The following CTNNA2 variants were observed in gnomAD, a reference collection of about 807,000 sequenced individuals.
CTNNA2 encodes catenin alpha 2.
Under a neutral mutation model 101.0 loss-of-function variants are expected in CTNNA2, and 42 were observed. That is an observed-to-expected ratio of 0.42 (90% CI 0.32 to 0.54). CTNNA2 has a LOEUF of 0.54. Among genes scored for constraint, CTNNA2 ranks in the 20% least tolerant of loss-of-function variants. The pLI, the probability that CTNNA2 is intolerant of heterozygous loss-of-function variation, is 0.14. For synonymous variants in CTNNA2, 450 were observed against 456.4 expected (o/e 0.99, Z 0.18); for missense variants, 871 against 1,223.1 (o/e 0.71, Z 4.29).
At chr2:80,561,904 G>C (rs1041684275) in intron 12 of CTNNA2, among the ~76,000 whole-genome samples, 2 of 145,596 alleles carry the variant, frequency 1.4e-5, no homozygotes, top group African/African-American at 5.2e-5. Context: ...TCAAACCCCT[G>C]ACCTCAGGTA....
At chr2:79,765,059 A>G (rs1365385091) in intron 3 of CTNNA2, among the ~76,000 whole-genome samples, 1 of 152,182 alleles carries the variant, frequency 6.6e-6, no homozygotes, top group Non-Finnish European at 1.5e-5. Flanking sequence ...ATATCTAGGC[A>G]ATGGGAGAAG....
At chr2:80,255,841 C>A (rs1672097841) in intron 7 of CTNNA2, among the ~76,000 whole-genome samples, 1 of 152,172 alleles carries the variant, frequency 6.6e-6, no homozygotes, top group South Asian at 2.1e-4. Context: ...ACAGGAATCA[C>A]GTGCTGTTGC....
intron 7 of CTNNA2, among the ~76,000 whole-genome samples, chr2:80,044,499 A>G (rs997096944): frequency 6.6e-6 from 1 of 152,152 alleles, no homozygotes; most frequent in Non-Finnish European, 1.5e-5. Flanking sequence ...AGATGTTAAA[A>G]ACCTCTATAT....
At chr2:80,545,839 C>A in intron 10 of CTNNA2, 68 bp from the exon 11 acceptor site, 1 of 1,546,660 alleles carries the variant, frequency 6.5e-7, no homozygotes, top group Non-Finnish European at 8.8e-7. Context: ...TTAACATGGT[C>A]TTTGACCGGC....
chr2:79,876,126 A>T (rs78142950), intron 6 of CTNNA2, among the ~76,000 whole-genome samples: 7,039 of 152,188 alleles, frequency 0.046, 463 homozygotes, highest in East Asian at 0.31. Flanking sequence ...AGAACTATTG[A>T]TCCTATCAGT....
chr2:79,874,698 C>T (rs528894308), intron 6 of CTNNA2, among the ~76,000 whole-genome samples: 12 of 152,252 alleles, frequency 7.9e-5, no homozygotes, highest in African/African-American at 2.6e-4. Flanking sequence ...ATCCCAGCTA[C>T]TCGGGAGGCT....
chr2:80,600,728 G>C (rs961640624), intron 15 of CTNNA2, among the ~76,000 whole-genome samples: 1 of 151,850 alleles, frequency 6.6e-6, no homozygotes, highest in South Asian at 2.1e-4. Flanking sequence ...GCCACTTTCC[G>C]CCTCCTTCTG....
chr2:80,646,765 T>C (rs1674136665), intron 18 of CTNNA2, among the ~76,000 whole-genome samples: 1 of 152,076 alleles, frequency 6.6e-6, no homozygotes, highest in Non-Finnish European at 1.5e-5. Flanking sequence ...TTGTGACTTG[T>C]CTTGGCATTT....
chr2:79,982,294 T>TAA lies in CTNNA2; in HGVS notation c.1056+72498_1056+72499dup, dbSNP rs1298838226. Among the ~76,000 whole-genome samples the TAA allele has an allele frequency of 4.6e-3, 634 of 137,866 alleles. 12 individuals are homozygous for TAA. The highest frequency in any genetic ancestry group is 0.016 in the African/African-American group (567 of 35,414). The allele number at this position is 137,866 out of a possible 152,430, so 90.4% of individuals were successfully genotyped here. A position where few individuals can be genotyped will look rare whatever the true frequency, so the allele number is the denominator to read the frequency against. ...ATATATATAATATATATAACATATATAACATATATAAAACATATATAACAT... is the reference window on the plus strand; with the variant it reads ...ATATATATAATATATATAACATATATAAAACATATATAAAACATATATAACAT... On this transcript the variant is annotated intron_variant, in intron 7 of 18. Transcript: ENST00000402739.
rs1186380296 is a variant in CTNNA2 at position 79,920,673 on chromosome 2, A to AACTATGCTTGGCTTCTTCATGACTC, written c.1056+10884_1056+10908dup. 2.0e-5 allele frequency among the ~76,000 whole-genome samples: 3 copies of AACTATGCTTGGCTTCTTCATGACTC among 152,338 alleles called. 1 individual carries two copies. The highest frequency in any genetic ancestry group is 6.8e-3 in the Middle Eastern group (2 of 294). The stretch of plus-strand genomic sequence containing the variant: ...AACACTCAGTGCATTAGCTAAGGTT[A>AACTATGCTTGGCTTCTTCATGACTC]ACTATGCTTGGCTTCTTCATGACTC... On this transcript the variant is annotated intron_variant, in intron 7 of 18. Transcript: ENST00000402739.
chr2:80,251,119 T>C (rs879570191), intron 7 of CTNNA2, among the ~76,000 whole-genome samples: 12 of 152,184 alleles, frequency 7.9e-5, no homozygotes, highest in Admixed American at 1.3e-4. Context: ...CAATGGTGTT[T>C]CTTCCCACAC....
intron 6 of CTNNA2, among the ~76,000 whole-genome samples, chr2:79,902,629 CT>C (rs111234732): frequency 0.065 from 9,299 of 142,098 alleles, 708 homozygotes; most frequent in African/African-American, 0.17. Context: ...TCTTCCTCTT[CT>C]TTTTTTTTTT....
intron 7 of CTNNA2, among the ~76,000 whole-genome samples, chr2:80,370,794 T>C (rs1290661705): frequency 6.6e-6 from 1 of 152,214 alleles, no homozygotes; most frequent in Non-Finnish European, 1.5e-5. Context: ...ACTAGGTTCA[T>C]GGCTGAGGCC....
At chr2:80,291,794 G>A (rs998953774) in intron 7 of CTNNA2, among the ~76,000 whole-genome samples, 5 of 152,184 alleles carry the variant, frequency 3.3e-5, no homozygotes, top group African/African-American at 1.2e-4. Context: ...CTAGCCTTCA[G>A]CTCCTATGAA....
chr2:80,449,567 A>G (rs980388962), intron 9 of CTNNA2, among the ~76,000 whole-genome samples: 5 of 152,210 alleles, frequency 3.3e-5, no homozygotes, highest in Admixed American at 6.5e-5. Context: ...GCCTCTGACT[A>G]CATGTTCTGT....
intron 17 of CTNNA2, among the ~76,000 whole-genome samples, chr2:80,609,058 C>A (rs959619294): frequency 6.6e-6 from 1 of 151,788 alleles, no homozygotes; most frequent in Non-Finnish European, 1.5e-5. Context: ...CAACCCCTTT[C>A]TCTCAACACA....
At chr2:80,313,795 G>A in intron 7 of CTNNA2, 1 of 655,942 alleles carries the variant, frequency 1.5e-6, no homozygotes, top group South Asian at 2.0e-5. Flanking sequence ...GGAGGAGAAA[G>A]GATACTGAAA....
chr2:79,724,320 G>T (rs1203203384), intron 2 of CTNNA2, among the ~76,000 whole-genome samples: 1 of 151,792 alleles, frequency 6.6e-6, no homozygotes, highest in Non-Finnish European at 1.5e-5. Context: ...TTCCCTACAA[G>T]AAGACCCCAA....
rs527287320 is a variant in CTNNA2, at chr2:79,899,316, C to T, written c.853-10278C>T. ...GGATTATTATCTTTGCCCTGCTTTA[C>T]GTACTTAATTGTAAACTAGTATCCT... On this transcript the variant is annotated intron_variant, in intron 6 of 18. Coordinates refer to ENST00000402739, the MANE Select transcript of CTNNA2 (RefSeq NM_001282597.3). Among the ~76,000 whole-genome samples the T allele has an allele frequency of 7.2e-5, 11 of 152,232 alleles. No homozygotes were observed. The South Asian group carries it at 2.1e-3, about 29-fold the overall frequency.
Sources: allele counts gnomAD v4.1 joint callset (sites outside exome capture counted in the v4.1 genomes callset), GRCh38; gene constraint gnomAD v4.1.1; transcripts MANE v1.5; gene names NCBI Gene and HGNC (gene_info 2026-07-23, HGNC 2026-07-21).